The following DPP10 variants were observed in gnomAD, a reference collection of about 807,000 sequenced individuals.
The protein encoded by DPP10 is inactive dipeptidyl peptidase 10.
Under a neutral mutation model 120.9 loss-of-function variants are expected in DPP10, and 33 were observed. The observed-to-expected ratio is 0.27, with a 90% CI of 0.21 to 0.37. The LOEUF is 0.37. DPP10 is among the 10% of genes least tolerant of loss of function. DPP10 has a pLI of 1.00. For synonymous variants in DPP10, 337 were observed against 326.1 expected, an observed-to-expected ratio of 1.03 and a Z score of -0.36; for missense variants, 816 against 942.8, an observed-to-expected ratio of 0.87 and a Z score of 1.76.
rs183951598 is a variant in DPP10, at chr2:114,923,527, A to G, written c.61-385712A>G. ...AGAGTCTCACTCTGTCGCCCAGGCTAGAGTGCAATGGCGTGATCTCAGCTC... is the reference window on the plus strand; with the variant it reads ...AGAGTCTCACTCTGTCGCCCAGGCTGGAGTGCAATGGCGTGATCTCAGCTC... On this transcript the variant is annotated intron_variant, in intron 1 of 25. Coordinates refer to ENST00000410059, the MANE Select transcript of DPP10 (RefSeq NM_020868.6). Among the ~76,000 whole-genome samples, 136 of 114,444 alleles carry G rather than the reference A, an allele frequency of 1.2e-3. 2 individuals carry two copies. In the East Asian group the frequency reaches 0.032, roughly 27 times the overall value. 75.1% of individuals were successfully genotyped at this position (114,444 alleles called of 152,430 possible).
chr2:115,181,867 T>A (rs1268007965), intron 1 of DPP10, among the ~76,000 whole-genome samples: 1 of 152,172 alleles, frequency 6.6e-6, no homozygotes, highest in East Asian at 1.9e-4. Context: ...TTTAAGAACG[T>A]TTGAATGTTA....
At chr2:115,297,521 C>T (rs2060939582) in intron 1 of DPP10, among the ~76,000 whole-genome samples, 1 of 151,902 alleles carries the variant, frequency 6.6e-6, no homozygotes, top group Admixed American at 6.6e-5. Flanking sequence ...TTATACTAAG[C>T]CCAAAAATAG....
chr2:115,080,448 G>A (rs1404101281), intron 1 of DPP10, among the ~76,000 whole-genome samples: 6 of 152,192 alleles, frequency 3.9e-5, no homozygotes, highest in Non-Finnish European at 7.3e-5. Context: ...ACTCAAGTTA[G>A]AGGTCTGCAA....
intron 3 of DPP10, among the ~76,000 whole-genome samples, chr2:115,382,431 C>T (rs559533203): frequency 1.3e-4 from 20 of 152,310 alleles, no homozygotes; most frequent in South Asian, 2.1e-4. Flanking sequence ...GCACAGTGCG[C>T]GCACCCACTG....
chr2:115,595,715 A>T (rs1239268004), intron 5 of DPP10, among the ~76,000 whole-genome samples: 1 of 152,000 alleles, frequency 6.6e-6, no homozygotes, highest in Non-Finnish European at 1.5e-5. Context: ...CTTTAGGACA[A>T]ATATTTCCTT....
chr2:115,813,715 T>C (rs1380120412), intron 19 of DPP10, among the ~76,000 whole-genome samples: 1 of 152,248 alleles, frequency 6.6e-6, no homozygotes, highest in Admixed American at 6.5e-5. Flanking sequence ...CATTTGTTGC[T>C]GAAAGGTTAT....
intron 2 of DPP10, among the ~76,000 whole-genome samples, chr2:115,328,990 A>G (rs916215454): frequency 2.6e-5 from 4 of 152,070 alleles, no homozygotes; most frequent in African/African-American, 9.7e-5. Context: ...CAGAGGTTAG[A>G]TTTATTACAG....
intron 9 of DPP10, among the ~76,000 whole-genome samples, chr2:115,744,611 C>T (rs750189452): frequency 1.3e-5 from 2 of 150,288 alleles, no homozygotes; most frequent in Non-Finnish European, 2.9e-5. Flanking sequence ...CCTTTCCTGA[C>T]TTCTTTCTTT....
At chr2:115,076,077 A>G (rs1469654945) in intron 1 of DPP10, among the ~76,000 whole-genome samples, 1 of 152,012 alleles carries the variant, frequency 6.6e-6, no homozygotes, top group Non-Finnish European at 1.5e-5. Flanking sequence ...TAACCTCCCA[A>G]TCTCCACATC....
In DPP10 at chr2:115,801,869, T is replaced by G. The variant is rs1308953027; in HGVS notation, c.1700+10513T>G. On this transcript the variant is annotated intron_variant, in intron 19 of 25. Coordinates refer to ENST00000410059, the MANE Select transcript of DPP10 (RefSeq NM_020868.6). ...ATTGAGGATTTTTGCATCAATGTTC[T>G]TCAAGGATATTGGTCTAAAATTCTC... Among the ~76,000 whole-genome samples the G allele has an allele frequency of 2.6e-5, 4 of 152,270 alleles. No homozygotes were observed. The East Asian group carries it at 7.7e-4, about 29-fold the overall frequency.
intron 3 of DPP10, among the ~76,000 whole-genome samples, chr2:115,365,808 C>T (rs766312805): frequency 1.3e-5 from 2 of 152,078 alleles, no homozygotes; most frequent in Middle Eastern, 3.4e-3. Context: ...CACCACCATC[C>T]ACAAGCATCA....
chr2:115,195,073 C>T (rs554949457), intron 1 of DPP10, among the ~76,000 whole-genome samples: 1 of 152,262 alleles, frequency 6.6e-6, no homozygotes, highest in East Asian at 1.9e-4. Flanking sequence ...ATGATGATCA[C>T]TGACTGGACA....
At chr2:115,452,863 A>G (rs2073220162) in intron 3 of DPP10, among the ~76,000 whole-genome samples, 1 of 151,934 alleles carries the variant, frequency 6.6e-6, no homozygotes, top group Non-Finnish European at 1.5e-5. Context: ...CAGATTCTCC[A>G]TATCATTATA....
At chr2:115,260,760 A>G (rs777383059) in intron 1 of DPP10, among the ~76,000 whole-genome samples, 2 of 152,210 alleles carry the variant, frequency 1.3e-5, no homozygotes, top group Non-Finnish European at 2.9e-5. Flanking sequence ...GTTCTTAAAT[A>G]GGTTTTAATT....
intron 1 of DPP10, among the ~76,000 whole-genome samples, chr2:115,127,910 C>T (rs1168194932): frequency 1.3e-5 from 2 of 152,078 alleles, no homozygotes; most frequent in East Asian, 3.9e-4. Flanking sequence ...CTAGTTCATG[C>T]GTTTATCAGT....
chr2:115,799,934 C>T (rs1684989530), intron 19 of DPP10, among the ~76,000 whole-genome samples: 1 of 151,878 alleles, frequency 6.6e-6, no homozygotes, highest in Non-Finnish European at 1.5e-5. Flanking sequence ...ATTTATAATC[C>T]TTTGGGTATA....
chr2:114,838,416 C>T (rs185061536), intron 1 of DPP10, among the ~76,000 whole-genome samples: 21 of 152,052 alleles, frequency 1.4e-4, no homozygotes, highest in East Asian at 1.4e-3. Flanking sequence ...CGGATTTGAG[C>T]GACCCTCCCA....
chr2:115,308,600 TAC>T (rs2061452951), intron 1 of DPP10, among the ~76,000 whole-genome samples: 1 of 151,880 alleles, frequency 6.6e-6, no homozygotes, highest in Non-Finnish European at 1.5e-5. Context: ...CCATCAACCA[TAC>T]CTTTTTCCAA....
At chr2:115,828,649 C>T (rs1030682770) in intron 21 of DPP10, among the ~76,000 whole-genome samples, 4 of 152,060 alleles carry the variant, frequency 2.6e-5, no homozygotes, top group Admixed American at 1.3e-4. Context: ...CTAGGACTGA[C>T]GTGTTTATTT....
Sources: allele counts gnomAD v4.1 joint callset (sites outside exome capture counted in the v4.1 genomes callset), GRCh38; gene constraint gnomAD v4.1.1; transcripts MANE v1.5; gene names NCBI Gene and HGNC (gene_info 2026-07-23, HGNC 2026-07-21).